MREG: variants seen among roughly 807,000 people sequenced by gnomAD.
MREG encodes the protein dilute suppressor protein homolog.
MREG carries 31 observed loss-of-function variants against 28.5 expected under a neutral mutation model. That is an observed-to-expected ratio of 1.09 (90% CI 0.82 to 1.47). MREG has a LOEUF of 1.47. Among genes scored for constraint, MREG ranks in the 40% most tolerant of loss-of-function variants. The pLI is 0.00. For missense variants in MREG, 256 were observed against 257.4 expected (o/e 0.99, Z 0.04); for synonymous variants, 106 against 95.2 (o/e 1.11, Z -0.66).
At chr2:215,955,345 C>T (rs949085858) in intron 2 of MREG, among the ~76,000 whole-genome samples, 10 of 152,144 alleles carry the variant, frequency 6.6e-5, no homozygotes, top group Non-Finnish European at 1.0e-4. Flanking sequence ...TAAGATTTTT[C>T]GCTTCCTAGT....
chr2:215,956,450 G>C (rs1439751815), intron 2 of MREG, among the ~76,000 whole-genome samples: 2 of 152,016 alleles, frequency 1.3e-5, no homozygotes, highest in Non-Finnish European at 2.9e-5. Flanking sequence ...TGTCAGGTAG[G>C]TGATACAGAA....
chr2:215,946,994 T>C, intron 3 of MREG, 29 bp downstream of exon 3: 4 of 1,293,326 alleles, frequency 3.1e-6, no homozygotes, highest in Non-Finnish European at 4.5e-6. Context: ...GAGTTATTTT[T>C]ACCATTTCAC....
intron 3 of MREG, among the ~76,000 whole-genome samples, chr2:215,946,323 C>G (rs1030014179): frequency 6.6e-6 from 1 of 151,370 alleles, no homozygotes; most frequent in Admixed American, 6.6e-5. Flanking sequence ...GCATGCCAAC[C>G]AAAGCCATAG....
At chr2:215,947,343 T>C (rs1692349498) in intron 2 of MREG, among the ~76,000 whole-genome samples, 1 of 152,210 alleles carries the variant, frequency 6.6e-6, no homozygotes, top group African/African-American at 2.4e-5. Context: ...GCATAAATTA[T>C]CTTACTGAAA....
At chr2:215,978,721 G>T (rs1003079173) in intron 2 of MREG, among the ~76,000 whole-genome samples, 1 of 152,200 alleles carries the variant, frequency 6.6e-6, no homozygotes, top group Admixed American at 6.5e-5. Context: ...ATGCAAGCCT[G>T]GTTCAGCATA....
intron 1 of MREG, among the ~76,000 whole-genome samples, chr2:216,010,496 T>G: frequency 6.6e-6 from 1 of 150,862 alleles, no homozygotes; most frequent in Non-Finnish European, 1.5e-5. Flanking sequence ...TAGCTGGGAC[T>G]ACAGGCGCCC....
At chr2:215,971,738 C>G (rs547746565) in intron 2 of MREG, among the ~76,000 whole-genome samples, 5 of 152,136 alleles carry the variant, frequency 3.3e-5, no homozygotes, top group Non-Finnish European at 7.4e-5. Flanking sequence ...GTTACAGGGC[C>G]CTGCTCTCAA....
intron 2 of MREG, among the ~76,000 whole-genome samples, chr2:215,964,510 C>T (rs561185507): frequency 6.3e-4 from 84 of 132,954 alleles, no homozygotes; most frequent in African/African-American, 2.1e-3. Flanking sequence ...AAGAAAAGAA[C>T]AGAAAATCAC....
At position 215,990,845 on chromosome 2, in the gene MREG, C is replaced by T. The variant is rs761925581; in HGVS notation, c.255+5461G>A. ...GGATCAACGCAACAAAAAGAGCTAA[C>T]TATCCTAAATATGTATGTACCCAAT... On this transcript the variant is annotated intron_variant, in intron 2 of 4. Transcript: ENST00000263268. Among the ~76,000 whole-genome samples the T allele has an allele frequency of 1.1e-3, 163 of 152,182 alleles. 1 individual carries two copies. The highest frequency in any genetic ancestry group is 2.8e-4 in the Non-Finnish European group (19 of 68,040).
intron 2 of MREG, among the ~76,000 whole-genome samples, chr2:215,961,718 C>T (rs906334456): frequency 6.6e-6 from 1 of 152,150 alleles, no homozygotes; most frequent in Non-Finnish European, 1.5e-5. Context: ...TAAGCCACCA[C>T]ACCCAGCCTC....
intron 2 of MREG, among the ~76,000 whole-genome samples, chr2:215,964,346 T>C (rs1692878095): frequency 6.6e-6 from 1 of 152,120 alleles, no homozygotes; most frequent in East Asian, 1.9e-4. Context: ...TAGCTTGGCA[T>C]GGAGGCACAC....
chr2:216,008,612 CTG>C (rs1158714755), intron 1 of MREG, among the ~76,000 whole-genome samples: 2 of 152,234 alleles, frequency 1.3e-5, no homozygotes, highest in Non-Finnish European at 2.9e-5. Context: ...ACAGACGTCA[CTG>C]TTTTATTTTT....
At chr2:215,977,754 A>G (rs937022275) in intron 2 of MREG, among the ~76,000 whole-genome samples, 6 of 152,234 alleles carry the variant, frequency 3.9e-5, no homozygotes, top group Admixed American at 3.3e-4. Context: ...CTACATGGAA[A>G]CTGAACAACC....
Position 215,990,604 on chromosome 2 carries a change from T to C in MREG, c.255+5702A>G, listed in dbSNP as rs574151134. Among the ~76,000 whole-genome samples the C allele has an allele frequency of 7.9e-5, 12 of 152,142 alleles. No individual in the cohort carries two copies. The South Asian group carries it at 2.3e-3, about 29-fold the overall frequency. Reference sequence around the variant, plus strand: ...CAATTAAAAGACACAGACTGGCAAATTGGATAAAGAGTCAAGACCCATCAG... The same window carrying C: ...CAATTAAAAGACACAGACTGGCAAACTGGATAAAGAGTCAAGACCCATCAG... On this transcript the variant is annotated intron_variant, in intron 2 of 4. Coordinates refer to ENST00000263268, the MANE Select transcript of MREG (RefSeq NM_018000.3).
chr2:216,010,637 G>A (rs1314327022), intron 1 of MREG, among the ~76,000 whole-genome samples: 1 of 151,290 alleles, frequency 6.6e-6, no homozygotes, highest in East Asian at 2.0e-4. Context: ...GATTACAGGC[G>A]TGAGCCACCG....
At chr2:216,022,844 T>A (rs1370455689) in intron 1 of MREG, among the ~76,000 whole-genome samples, 1 of 152,340 alleles carries the variant, frequency 6.6e-6, no homozygotes, top group South Asian at 2.1e-4. Flanking sequence ...ATTAAGCACT[T>A]GCTATATGCA....
At chr2:216,022,135 C>T (rs1021402762) in intron 1 of MREG, among the ~76,000 whole-genome samples, 4 of 152,054 alleles carry the variant, frequency 2.6e-5, no homozygotes, top group African/African-American at 9.7e-5. Context: ...CCTGTAATCC[C>T]AACTACTTGG....
chr2:216,023,488 C>T (rs1694554651), intron 1 of MREG, among the ~76,000 whole-genome samples: 1 of 152,146 alleles, frequency 6.6e-6, no homozygotes, highest in Non-Finnish European at 1.5e-5. Flanking sequence ...TTCTTGGCTA[C>T]CATGTGCCAA....
At chr2:216,000,880 T>C (rs1039207515) in intron 1 of MREG, among the ~76,000 whole-genome samples, 2 of 152,182 alleles carry the variant, frequency 1.3e-5, no homozygotes, top group African/African-American at 4.8e-5. Flanking sequence ...AGACCATGAA[T>C]AATCTAGCCA....
Sources: allele counts gnomAD v4.1 joint callset (sites outside exome capture counted in the v4.1 genomes callset), GRCh38; gene constraint gnomAD v4.1.1; transcripts MANE v1.5; gene names NCBI Gene and HGNC (gene_info 2026-07-23, HGNC 2026-07-21).